Variants in ALDH3B2 observed in about 807,000 individuals in gnomAD.
ALDH3B2 encodes the protein aldehyde dehydrogenase 3 family member B2.
Under a neutral mutation model 36.7 loss-of-function variants are expected in ALDH3B2, and 45 were observed. The observed-to-expected ratio is 1.23, with a 90% confidence interval of 0.97 to 1.57. ALDH3B2 has a LOEUF of 1.57. Ranked by LOEUF, ALDH3B2 falls within the 40% of genes most tolerant of loss-of-function variation. The probability of loss-of-function intolerance (pLI) is 0.00; values close to 1 mark genes in which losing one functional copy is unlikely to be tolerated. For missense variants in ALDH3B2, 464 were observed against 513.3 expected (o/e 0.90, Z 0.93); for synonymous variants, 217 against 226.5 (o/e 0.96, Z 0.38).
chr11:67,676,969 C>T (rs1420976307), upstream of ALDH3B2, among the ~76,000 whole-genome samples: 1 of 151,284 alleles, frequency 6.6e-6, no homozygotes, highest in Non-Finnish European at 1.5e-5. Flanking sequence ...TTAAAATTAC[C>T]AACAAAAAAA....
At chr11:67,671,430 G>C (rs1367500500) in intron 1 of ALDH3B2, 1 of 152,296 alleles carries the variant, frequency 6.6e-6, no homozygotes. Context: ...AGGGGTCCGG[G>C]CGCTTGCTGG....
chr11:67,663,031 C>A (rs540559692), exon 10 of ALDH3B2: 3 of 753,064 alleles, frequency 4.0e-6, no homozygotes, highest in African/African-American at 3.5e-5. Flanking sequence ...CGAGCAGCGT[C>A]CCCCAGATAG....
intron 5 of ALDH3B2, 32 bp downstream of exon 5, chr11:67,666,284 G>T (rs761269491): frequency 6.7e-5 from 108 of 1,611,418 alleles, no homozygotes; most frequent in Admixed American, 1.7e-5. Context: ...ATATGGGGAC[G>T]TCGGGCACTG....
At position 67,665,565 on chromosome 11, in the gene ALDH3B2, G is replaced by A. The variant is rs113696550; in HGVS notation, c.426C>T (p.Cys142=). 9.3e-5 allele frequency: 150 copies of A among 1,614,102 alleles called. 1 individual carries two copies. The Middle Eastern group carries it at 1.6e-3, about 18-fold the overall frequency. ...CGCGGTTGGCCACGGTCTGGGGGTC[G>A]CAGTTGTCGTCCACGTAGCAGGGGT... Residue 142 remains cysteine, a synonymous_variant, in exon 7 of 10, where the codon TGC becomes TGT. Transcript: ENST00000349015.
At chr11:67,666,441 G>C in intron 4 of ALDH3B2, 40 bp from the exon 5 acceptor site, 1 of 1,605,472 alleles carries the variant, frequency 6.2e-7, no homozygotes, top group Non-Finnish European at 8.5e-7. Context: ...GGAGCCCAGG[G>C]TCCCCATGCC....
upstream of ALDH3B2, among the ~76,000 whole-genome samples, chr11:67,679,669 C>G (rs1856334780): frequency 6.6e-6 from 1 of 151,272 alleles, no homozygotes; most frequent in Admixed American, 6.6e-5. Flanking sequence ...GTCCCAGCTA[C>G]TTGGGAAGCT....
At chr11:67,664,624 G>A in intron 7 of ALDH3B2, 62 bp from the exon 8 acceptor site, 1 of 1,590,738 alleles carries the variant, frequency 6.3e-7, no homozygotes, top group South Asian at 1.1e-5. Flanking sequence ...CAGGGGTAGG[G>A]TAGAGGTGGG....
intron 1 of ALDH3B2, among the ~76,000 whole-genome samples, chr11:67,668,203 C>T (rs1400016769): frequency 1.3e-5 from 2 of 152,172 alleles, no homozygotes; most frequent in African/African-American, 2.4e-5. Flanking sequence ...GGTTTGGCAC[C>T]TGCTCTGGGG....
chr11:67,666,630 G>T (rs368232009), exon 4 of ALDH3B2: 1 of 1,614,018 alleles, frequency 6.2e-7, no homozygotes, highest in African/African-American at 1.3e-5. Context: ...GTAGTTCCAG[G>T]GTGCGATGAT....
rs575167732 is a variant in ALDH3B2 at position 67,667,590 on chromosome 11, G to GA, written c.-200dup. The GA allele has an allele frequency of 1.8e-4, 66 of 365,194 alleles. No homozygotes were observed. Among genetic ancestry groups the GA allele is most frequent in the African/African-American group, 1.2e-3 (57 of 46,784 alleles). The allele number at this position is 365,194 out of a possible 1,614,324, so 22.6% of individuals were successfully genotyped here. On this transcript the variant is annotated 5_prime_UTR_variant, in exon 2 of 10. An upstream open reading frame in the 5' UTR loses its in-frame stop. Coordinates refer to ENST00000349015, the Ensembl canonical transcript of ALDH3B2. ...CGGCCGGCCGCGTGCGCCCTCAGTT[G>GA]AAGGCCTCACGCAGCCGCCGCAGCG...
intron 8 of ALDH3B2, 182 bp downstream of exon 8, chr11:67,664,214 G>T (rs1565245382): frequency 4.1e-6 from 4 of 966,242 alleles, no homozygotes; most frequent in South Asian, 3.2e-5. Flanking sequence ...TGGTGGGTTT[G>T]GACCCTGTCC....
chr11:67,666,796 G>C, intron 3 of ALDH3B2, 102 bp from the exon 4 acceptor site: 3 of 1,609,048 alleles, frequency 1.9e-6, no homozygotes, highest in South Asian at 1.1e-5. Context: ...AATCCCAGGA[G>C]AGACGAGAAA....
chr11:67,663,486 C>A, intron 9 of ALDH3B2, 87 bp from the exon 10 acceptor site: 1 of 1,504,938 alleles, frequency 6.6e-7, no homozygotes, highest in Non-Finnish European at 9.1e-7. Context: ...GGGCACACAG[C>A]TGGCAGGGAG....
chr11:67,668,456 C>T (rs572345793), intron 1 of ALDH3B2, among the ~76,000 whole-genome samples: 26 of 152,280 alleles, frequency 1.7e-4, no homozygotes, highest in African/African-American at 5.5e-4. Context: ...AAGAGGATTG[C>T]CAGGCACCTA....
Position 67,667,450 on chromosome 11 carries a change from G to T in ALDH3B2, c.-82+23C>A, listed in dbSNP as rs2126716. 2,910 of 364,212 alleles carry T rather than the reference G, an allele frequency of 8.0e-3. 72 individuals are homozygous for T. Among genetic ancestry groups the T allele is most frequent in the African/African-American group, 0.057 (2,663 of 47,054 alleles). 22.6% of individuals were successfully genotyped at this position (364,212 alleles called of 1,614,324 possible). Reference sequence around the variant, plus strand: ...CAGGGACGCTGCTCCAGCCCCTGCCGGGGCCCACTCTCCACGGCCCACCTT... The same window carrying T: ...CAGGGACGCTGCTCCAGCCCCTGCCTGGGCCCACTCTCCACGGCCCACCTT... On this transcript the variant is annotated intron_variant, in intron 2 of 9. Coordinates refer to ENST00000349015, the Ensembl canonical transcript of ALDH3B2.
chr11:67,666,063 C>A, intron 6 of ALDH3B2, 59 bp downstream of exon 6: 1 of 1,588,544 alleles, frequency 6.3e-7, no homozygotes, highest in Non-Finnish European at 8.6e-7. Flanking sequence ...ACAACCCTCC[C>A]ACCCTCTCTC....
At chr11:67,669,775 G>GGT (rs1856038488) in intron 1 of ALDH3B2, among the ~76,000 whole-genome samples, 1 of 92,864 alleles carries the variant, frequency 1.1e-5, no homozygotes. Flanking sequence ...TGTGTGTATG[G>GGT]GTGTCTGTGT....
chr11:67,664,453 C>A (rs1358070944), exon 8 of ALDH3B2: 4 of 1,614,028 alleles, frequency 2.5e-6, no homozygotes, highest in African/African-American at 2.7e-5. Flanking sequence ...GGTTGATGAA[C>A]TTGATGGCCT....
At chr11:67,665,400 G>A (rs780205137) in exon 7 of ALDH3B2, 2 of 1,613,998 alleles carry the variant, frequency 1.2e-6, no homozygotes, top group East Asian at 2.2e-5. Context: ...GGTTTGGGGA[G>A]CTCTGGGGGT....
Sources: allele counts gnomAD v4.1 joint callset (sites outside exome capture counted in the v4.1 genomes callset), GRCh38; gene constraint gnomAD v4.1.1; transcripts MANE v1.5; gene names NCBI Gene and HGNC (gene_info 2026-07-23, HGNC 2026-07-21).